The following FCRL5 variants were observed in gnomAD, a reference collection of about 807,000 sequenced individuals.
FCRL5 encodes Fc receptor-like protein 5.
In FCRL5, 79 loss-of-function variants were observed where a neutral mutation model predicts 92.1. The ratio of observed to expected loss-of-function variants is 0.86; its 90% CI spans 0.72 to 1.03. The LOEUF (loss-of-function observed/expected upper bound fraction) is 1.03, where lower values mean the gene tolerates loss of function less well. Ranked by LOEUF, FCRL5 falls within the 50% of genes least tolerant of loss-of-function variation. FCRL5 has a pLI of 0.00. For synonymous variants in FCRL5, 466 were observed against 469.3 expected (o/e 0.99, Z 0.09); for missense variants, 1,160 against 1,181.1 (o/e 0.98, Z 0.26).
chr1:157,537,902 A>G (rs1651051408), intron 7 of FCRL5, among the ~76,000 whole-genome samples: 1 of 152,192 alleles, frequency 6.6e-6, no homozygotes, highest in African/African-American at 2.4e-5. Flanking sequence ...CTGCTCCTGC[A>G]GCCACCAGGT....
chr1:157,543,860 A>T (rs562324774), intron 5 of FCRL5, among the ~76,000 whole-genome samples: 46 of 152,252 alleles, frequency 3.0e-4, no homozygotes, highest in African/African-American at 1.1e-3. Context: ...TTTGTATCCT[A>T]CAGAAATTTT....
At position 157,515,730 on chromosome 1, in the gene FCRL5, G is replaced by T. The variant is rs201400157; in HGVS notation, c.2879C>A (p.Ala960Glu). The T allele has an allele frequency of 6.2e-7, 1 of 1,613,778 alleles. No homozygotes were observed. The highest frequency in any genetic ancestry group is 1.1e-5 in the South Asian group (1 of 91,082). The change falls in exon 17 of 17, where the codon GCG becomes GAG. Residue 960 changes from alanine to glutamate, a missense_variant. Coordinates refer to ENST00000361835, the MANE Select transcript of FCRL5 (RefSeq NM_031281.3). ...CAGGGATCCGGAAACCGGGGTTGACGCCACCTTAACTTCAGAGTAGATGAT... is the reference window on the plus strand; with the variant it reads ...CAGGGATCCGGAAACCGGGGTTGACTCCACCTTAACTTCAGAGTAGATGAT... The part of the protein sequence containing the change: ...SPIIYSEVKV[A>E]STPVSGSLFL...
chr1:157,524,030 A>G, intron 10 of FCRL5: 1 of 493,652 alleles, frequency 2.0e-6, no homozygotes, highest in Non-Finnish European at 3.6e-6. Flanking sequence ...ATGTTCTAAA[A>G]AAGTCTTATT....
At chr1:157,549,845 C>A (rs1262296320) in intron 1 of FCRL5, among the ~76,000 whole-genome samples, 1 of 151,802 alleles carries the variant, frequency 6.6e-6, no homozygotes, top group Non-Finnish European at 1.5e-5. Flanking sequence ...AAAACAGAAA[C>A]ACGATTTAAA....
At chr1:157,520,602 C>G in intron 11 of FCRL5, 55 bp from the exon 12 acceptor site, 4 of 1,395,258 alleles carry the variant, frequency 2.9e-6, no homozygotes, top group Non-Finnish European at 4.0e-6. Flanking sequence ...CTGGAACTGC[C>G]CGCTCCCGGA....
Position 157,519,788 on chromosome 1 carries a change from G to A in FCRL5, c.2633-18C>T, listed in dbSNP as rs1327746510. 4 of 1,613,712 alleles carry A rather than the reference G, an allele frequency of 2.5e-6. No homozygotes were observed. The highest frequency in any genetic ancestry group is 1.7e-4 in the Middle Eastern group (1 of 5,950). ...CTTTCTCCCTGTAAAGGAAAGCAGA[G>A]GAGCATTGGATTCAGGAAGATGAGA... On this transcript the variant is annotated intron_variant, in intron 12 of 16. Coordinates refer to ENST00000361835, the MANE Select transcript of FCRL5 (RefSeq NM_031281.3).
intron 6 of FCRL5, chr1:157,542,059 C>G (rs1651289808): frequency 1.3e-5 from 2 of 152,306 alleles, no homozygotes; most frequent in Non-Finnish European, 2.9e-5. Context: ...GTCTTCCAAG[C>G]TGGTATTATT....
At chr1:157,539,439 T>C (rs1651143526) in intron 6 of FCRL5, 75 bp from the exon 7 acceptor site, 1 of 1,403,736 alleles carries the variant, frequency 7.1e-7, no homozygotes, top group Non-Finnish European at 9.6e-7. Context: ...AAATAAATCT[T>C]GGGAACCCCA....
At chr1:157,532,750 G>A (rs975903820) in intron 8 of FCRL5, 2 of 152,082 alleles carry the variant, frequency 1.3e-5, no homozygotes, top group African/African-American at 4.8e-5. Flanking sequence ...GTCTGGAGAG[G>A]GGCTTTGACG....
intron 7 of FCRL5, among the ~76,000 whole-genome samples, chr1:157,538,784 A>G (rs971805630): frequency 2.0e-5 from 3 of 152,248 alleles, no homozygotes; most frequent in Non-Finnish European, 4.4e-5. Context: ...AAAATCAGGC[A>G]TCTGGCAGAT....
intron 11 of FCRL5, 83 bp downstream of exon 11, chr1:157,520,934 T>C: frequency 6.8e-7 from 1 of 1,474,694 alleles, no homozygotes; most frequent in South Asian, 1.3e-5. Context: ...AGTGCCTTTC[T>C]GATCAAGCAC....
At chr1:157,545,575 C>T (rs1388925391) in intron 3 of FCRL5, among the ~76,000 whole-genome samples, 1 of 130,338 alleles carries the variant, frequency 7.7e-6, no homozygotes, top group African/African-American at 3.1e-5. Flanking sequence ...TTCACCCAGG[C>T]AGGACTGCAG....
In FCRL5 at chr1:157,520,601, C is replaced by T. The variant is rs561165835; in HGVS notation, c.2516-54G>A. 4 of 1,403,188 alleles carry T rather than the reference C, an allele frequency of 2.9e-6. No individual in the cohort carries two copies. In the East Asian group the frequency reaches 9.9e-5, roughly 35 times the overall value. The allele number at this position is 1,403,188 out of a possible 1,614,324, so 86.9% of individuals were successfully genotyped here. A position where few individuals can be genotyped will look rare whatever the true frequency, so the allele number is the denominator to read the frequency against. On this transcript the variant is annotated intron_variant, in intron 11 of 16. Coordinates refer to ENST00000361835, the MANE Select transcript of FCRL5 (RefSeq NM_031281.3). ...GAGGAGAGGCTGTGGTCTGGAACTG[C>T]CCGCTCCCGGAAGCTGCTGCCTGGG...
At chr1:157,538,083 T>G (rs553159874) in intron 7 of FCRL5, among the ~76,000 whole-genome samples, 2 of 152,324 alleles carry the variant, frequency 1.3e-5, no homozygotes, top group South Asian at 4.1e-4. Context: ...AAGTGGGTCA[T>G]TTAATAGGAC....
At chr1:157,527,254 C>G (rs1650474026) in intron 9 of FCRL5, among the ~76,000 whole-genome samples, 1 of 152,222 alleles carries the variant, frequency 6.6e-6, no homozygotes, top group Non-Finnish European at 1.5e-5. Context: ...GATTGGCAGA[C>G]AGAGAAAACC....
Position 157,534,625 on chromosome 1 carries a change from A to T in FCRL5, c.1670T>A (p.Leu557His), listed in dbSNP as rs1484993179. ...FGPQRSEVVS[L>H]FVTVPVSRPI... is the part of the protein sequence containing the mutation. ...AACCCAGCACTTACCAGTGACAAAA[A>T]GGCTCACCACTTCACTGCGCTGGGG... Residue 557 changes from leucine to histidine, a missense_variant, in exon 8 of 17, where the codon CTT becomes CAT. Transcript: ENST00000361835. 6.2e-7 allele frequency: 1 copy of T among 1,614,178 alleles called. No homozygotes were observed. The highest frequency in any genetic ancestry group is 1.1e-5 in the South Asian group (1 of 91,076).
intron 9 of FCRL5, among the ~76,000 whole-genome samples, chr1:157,526,016 A>G (rs1329642035): frequency 1.3e-5 from 2 of 152,298 alleles, no homozygotes; most frequent in African/African-American, 4.8e-5. Flanking sequence ...TACATGACAT[A>G]CCCAGGATCA....
intron 12 of FCRL5, among the ~76,000 whole-genome samples, 162 bp from the exon 13 acceptor site, chr1:157,519,932 C>T (rs1209056833): frequency 6.6e-6 from 1 of 152,146 alleles, no homozygotes; most frequent in Admixed American, 6.5e-5. Flanking sequence ...GCAAAAACTA[C>T]TGACCCTGCC....
At position 157,518,418 on chromosome 1, in the gene FCRL5, T is replaced by C. The variant is rs1650026031; in HGVS notation, c.2812+11A>G. ...AGGGTGGGCCAGAACAGAGACATCC[T>C]TGGGTCTTACCTGCATGTTTCTTTT... On this transcript the variant is annotated intron_variant, in intron 15 of 16. Transcript: ENST00000361835. 1.9e-6 allele frequency: 3 copies of C among 1,610,758 alleles called. No individual in the cohort carries two copies. Among genetic ancestry groups the C allele is most frequent in the Non-Finnish European group, 2.5e-6 (3 of 1,176,870 alleles).
Sources: allele counts gnomAD v4.1 joint callset (sites outside exome capture counted in the v4.1 genomes callset), GRCh38; gene constraint gnomAD v4.1.1; transcripts MANE v1.5; gene names NCBI Gene and HGNC (gene_info 2026-07-23, HGNC 2026-07-21).